The following CDH13 variants were observed in gnomAD, a reference collection of about 807,000 sequenced individuals.
The protein encoded by CDH13 is cadherin-13.
Under a neutral mutation model 63.8 loss-of-function variants are expected in CDH13, and 24 were observed. The ratio of observed to expected loss-of-function variants is 0.38; its 90% CI spans 0.27 to 0.53. CDH13 has a LOEUF of 0.53. CDH13 is among the 20% of genes least tolerant of loss of function. The pLI is 0.85. For missense variants in CDH13, 1,049 were observed against 903.1 expected (o/e 1.16, Z -2.07); for synonymous variants, 503 against 355.3 (o/e 1.42, Z -4.67).
intron 1 of CDH13, among the ~76,000 whole-genome samples, chr16:82,682,187 A>G (rs890312239): frequency 3.3e-5 from 5 of 152,238 alleles, no homozygotes; most frequent in African/African-American, 1.2e-4. Flanking sequence ...GCAAATAACT[A>G]TAATTGGTTC....
At chr16:83,744,442 T>C (rs1458101691) in intron 10 of CDH13, among the ~76,000 whole-genome samples, 1 of 152,250 alleles carries the variant, frequency 6.6e-6, no homozygotes, top group Non-Finnish European at 1.5e-5. Flanking sequence ...AATTCATCGC[T>C]TCTGTTTTCA....
intron 1 of CDH13, among the ~76,000 whole-genome samples, chr16:82,664,986 G>C (rs543530312): frequency 6.6e-6 from 1 of 152,120 alleles, no homozygotes; most frequent in African/African-American, 2.4e-5. Context: ...TCAGTAAAAT[G>C]TATCTGTAGC....
chr16:83,224,928 A>G (rs2039798156), intron 5 of CDH13, among the ~76,000 whole-genome samples: 1 of 152,246 alleles, frequency 6.6e-6, no homozygotes, highest in Non-Finnish European at 1.5e-5. Flanking sequence ...AGTTGAAAGC[A>G]CTTGTGAGGG....
intron 1 of CDH13, among the ~76,000 whole-genome samples, chr16:82,759,712 T>G (rs1400684620): frequency 1.3e-5 from 2 of 152,070 alleles, no homozygotes; most frequent in African/African-American, 4.8e-5. Context: ...TATAGCTGAA[T>G]GCAGCACACC....
chr16:82,655,412 G>T (rs1911185255), intron 1 of CDH13, among the ~76,000 whole-genome samples: 1 of 152,088 alleles, frequency 6.6e-6, no homozygotes, highest in Non-Finnish European at 1.5e-5. Context: ...ATGGCCATGT[G>T]GATCTCAAAA....
At chr16:82,896,161 G>A (rs1280131138) in intron 2 of CDH13, among the ~76,000 whole-genome samples, 1 of 151,864 alleles carries the variant, frequency 6.6e-6, no homozygotes, top group Non-Finnish European at 1.5e-5. Flanking sequence ...TAGGCTTCAT[G>A]GTGAGCAATA....
In CDH13 at chr16:82,861,339, G is replaced by T. The variant is rs1749907342; in HGVS notation, c.157+2866G>T. ...CATTGTGAACTTTTGTGTTGCAGGG[G>T]GTGTAAACACAGCATAATCAATCAA... On this transcript the variant is annotated intron_variant, in intron 2 of 13. Transcript: ENST00000567109. 2.0e-5 allele frequency among the ~76,000 whole-genome samples: 3 copies of T among 152,056 alleles called. No individual in the cohort carries two copies. The East Asian group carries it at 5.8e-4, about 29-fold the overall frequency.
intron 11 of CDH13, among the ~76,000 whole-genome samples, chr16:83,768,692 T>G (rs1377875782): frequency 6.6e-6 from 1 of 152,180 alleles, no homozygotes; most frequent in Non-Finnish European, 1.5e-5. Flanking sequence ...GAATTATTCA[T>G]GTCTCCCCTT....
chr16:83,084,530 C>T (rs780827580), intron 3 of CDH13, among the ~76,000 whole-genome samples: 1 of 152,154 alleles, frequency 6.6e-6, no homozygotes, highest in Non-Finnish European at 1.5e-5. Context: ...CTTATTTTCT[C>T]AATCATGGAG....
chr16:83,768,522 C>T (rs1914550353), intron 11 of CDH13, among the ~76,000 whole-genome samples: 1 of 152,104 alleles, frequency 6.6e-6, no homozygotes, highest in African/African-American at 2.4e-5. Context: ...TCTTGGATCT[C>T]ATGCAAGAAA....
chr16:82,959,557 ATT>A (rs1382762993), intron 2 of CDH13, among the ~76,000 whole-genome samples: 1 of 151,978 alleles, frequency 6.6e-6, no homozygotes, highest in Non-Finnish European at 1.5e-5. Context: ...CTCTCCAGCC[ATT>A]TTCTGAGTAG....
At chr16:83,595,898 A>G (rs528202547) in intron 7 of CDH13, among the ~76,000 whole-genome samples, 1 of 152,328 alleles carries the variant, frequency 6.6e-6, no homozygotes, top group East Asian at 1.9e-4. Flanking sequence ...GGAGCTCTTG[A>G]GTATACAGTG....
intron 5 of CDH13, among the ~76,000 whole-genome samples, chr16:83,240,709 G>T (rs1487728376): frequency 1.5e-4 from 14 of 94,302 alleles, no homozygotes; most frequent in African/African-American, 2.2e-4. Context: ...TAAATTTACT[G>T]TCTTAATCTT....
At chr16:83,750,824 T>C (rs1913018725) in intron 11 of CDH13, among the ~76,000 whole-genome samples, 1 of 152,168 alleles carries the variant, frequency 6.6e-6, no homozygotes, top group South Asian at 2.1e-4. Context: ...CCTCCAGAAC[T>C]GTAAGACAAT....
intron 1 of CDH13, among the ~76,000 whole-genome samples, chr16:82,648,403 T>C (rs1910349510): frequency 6.6e-6 from 1 of 152,234 alleles, no homozygotes; most frequent in Non-Finnish European, 1.5e-5. Context: ...TCCTAAATGC[T>C]CTGCAAATAG....
chr16:83,456,302 G>A (rs1014856764), intron 6 of CDH13, among the ~76,000 whole-genome samples: 4 of 152,232 alleles, frequency 2.6e-5, no homozygotes, highest in East Asian at 1.9e-4. Context: ...CAGGGCCAAC[G>A]ACCTAGAGAC....
At chr16:83,278,208 A>G (rs2089053075) in intron 5 of CDH13, among the ~76,000 whole-genome samples, 2 of 152,150 alleles carry the variant, frequency 1.3e-5, no homozygotes, top group Non-Finnish European at 1.5e-5. Flanking sequence ...TGGATTTTTA[A>G]AAAGTACAAC....
intron 6 of CDH13, among the ~76,000 whole-genome samples, chr16:83,447,509 G>A (rs1375952576): frequency 6.6e-6 from 1 of 152,090 alleles, no homozygotes; most frequent in Non-Finnish European, 1.5e-5. Flanking sequence ...AAGGGATGTT[G>A]CCCTCACCCA....
At chr16:83,317,516 A>G (rs1282288211) in intron 5 of CDH13, among the ~76,000 whole-genome samples, 1 of 152,176 alleles carries the variant, frequency 6.6e-6, no homozygotes, top group African/African-American at 2.4e-5. Context: ...GCTACATGGC[A>G]GTGAGCGCCA....
Sources: gnomAD v4.1 joint callset for allele counts (sites outside exome capture counted in the v4.1 genomes callset) on GRCh38, gnomAD v4.1.1 for gene constraint, MANE v1.5 for transcripts, NCBI Gene and HGNC (gene_info 2026-07-23, HGNC 2026-07-21) for gene names.